The following CDH16 variants were observed in gnomAD, a reference collection of about 807,000 sequenced individuals.
CDH16 encodes cadherin-16.
Under a neutral mutation model 87.6 loss-of-function variants are expected in CDH16, and 79 were observed. That is an observed-to-expected ratio of 0.90 (90% CI 0.75 to 1.09). The LOEUF is 1.09. Among genes scored for constraint, CDH16 ranks in the 50% least tolerant of loss-of-function variants. The pLI, the probability that CDH16 is intolerant of heterozygous loss-of-function variation, is 0.00. For missense variants in CDH16, 1,124 were observed against 1,071.7 expected (o/e 1.05, Z -0.68); for synonymous variants, 457 against 439.5 (o/e 1.04, Z -0.50).
chr16:66,911,066 C>G, intron 14 of CDH16, 116 bp downstream of exon 14: 1 of 1,016,728 alleles, frequency 9.8e-7, no homozygotes, highest in Non-Finnish European at 1.4e-6. Flanking sequence ...ATCTGCCTCT[C>G]CTGCTTGGGG....
At position 66,912,500 on chromosome 16, in the gene CDH16, T is replaced by C; in HGVS notation, c.1359+4A>G. ...CCAAGGCCTTCTCCCCTGCGTCTGC[T>C]TACCTGGGAAGTGATGAACTCAGGG... is the stretch of plus-strand genomic sequence containing the variant. On this transcript the variant is annotated splice_donor_region_variant and intron_variant, in intron 11 of 17. Coordinates refer to ENST00000299752, the MANE Select transcript of CDH16 (RefSeq NM_004062.4). 6.2e-7 allele frequency: 1 copy of C among 1,614,126 alleles called. No individual in the cohort carries two copies.
At position 66,912,069 on chromosome 16, in the gene CDH16, C is replaced by T. The variant is rs1322621563; in HGVS notation, c.1620G>A (p.Gly540=). Residue 540 remains glycine (G), a synonymous_variant, in exon 13 of 18, where the codon GGG becomes GGA. Coordinates refer to ENST00000299752, the MANE Select transcript of CDH16 (RefSeq NM_004062.4). ...VVVQSVAKLV[G]PGPGPGATAT... is the part of the protein sequence containing the mutation. ...CGGTGGCTCCAGGGCCTGGGCCTGG[C>T]CCCACCAGCTTCGCCACACTCTGCA... 3 of 1,613,934 alleles carry T rather than the reference C, an allele frequency of 1.9e-6. No individual in the cohort carries two copies. The highest frequency in any genetic ancestry group is 1.3e-5 in the African/African-American group (1 of 74,930).
intron 14 of CDH16, 193 bp from the exon 15 acceptor site, chr16:66,910,695 T>A (rs1330958327): frequency 1.5e-5 from 9 of 583,092 alleles, no homozygotes. Context: ...AGCTCACTGC[T>A]GCTGGGTCTG....
Position 66,910,023 on chromosome 16 carries a change from G to A in CDH16, c.2238C>T (p.Val746=), listed in dbSNP as rs746846967. Residue 746 remains valine (V), a synonymous_variant, in exon 16 of 18, where the codon GTC becomes GTT. Transcript: ENST00000299752. ...GCTGCCACATCTGGGCATTGTGGCT[G>A]ACCACCACGGGGATTATGTGTTCAC... The part of the protein sequence containing the change: ...EPREHIIPVV[V]SHNAQMWQLL... The A allele has an allele frequency of 1.2e-6, 2 of 1,612,162 alleles. No individual in the cohort carries two copies. The highest frequency in any genetic ancestry group is 8.5e-7 in the Non-Finnish European group (1 of 1,178,790).
In CDH16 at chr16:66,916,332, C is replaced by T; in HGVS notation, c.227G>A (p.Gly76Asp). 1.2e-6 allele frequency: 2 copies of T among 1,614,148 alleles called. No homozygotes were observed. The highest frequency in any genetic ancestry group is 1.7e-6 in the Non-Finnish European group (2 of 1,179,976). The change falls in exon 4 of 18, where the codon GGC (glycine) becomes GAC (aspartate). Residue 76 changes from glycine (G) to aspartate (D), a missense_variant. By Grantham distance (94) the Gly-to-Asp change is moderately conservative. Transcript: ENST00000299752. The surrounding 1 kb of genome is among the most constrained non-coding windows in gnomAD (Gnocchi z 4.1). ...CAGGGCCCTGGTCACCAGCAGGAAG[C>T]CAGAATCTGGATCCATAGCAAATGG... ...EGPFAMDPDS[G>D]FLLVTRALDR...
chr16:66,911,818 G>C (rs1023051242), intron 13 of CDH16, 81 bp downstream of exon 13: 4 of 1,462,558 alleles, frequency 2.7e-6, no homozygotes, highest in Non-Finnish European at 3.7e-6. Context: ...CAGATAATGT[G>C]AGTCCCCTCT....
In CDH16 at chr16:66,912,320, A is replaced by T. The variant is rs962665796; in HGVS notation, c.1470T>A (p.Ile490=). The change falls in exon 12 of 18, where the codon ATT becomes ATA. Residue 490 remains isoleucine (I), a synonymous_variant. Coordinates refer to ENST00000299752, the MANE Select transcript of CDH16 (RefSeq NM_004062.4). The part of the protein sequence containing the change: ...EPAFRLMDFA[I]ERGDTEGTFG... The stretch of plus-strand genomic sequence containing the variant: ...AAGTCCCTTCTGTGTCTCCCCTCTC[A>T]ATGGCAAAATCCATGAGGCGGAAGG... 6.2e-7 allele frequency: 1 copy of T among 1,614,054 alleles called. No homozygotes were observed.
chr16:66,915,208 G>GC lies in CDH16; in HGVS notation c.583+11dup, dbSNP rs757829425. ...TGACCCTCCCTCCCCAGCACACCCCGCTCGGGCTTACCCTTGGGGCTGAGG... is the reference window on the plus strand; with the variant it reads ...TGACCCTCCCTCCCCAGCACACCCCGCCTCGGGCTTACCCTTGGGGCTGAGG... On this transcript the variant is annotated intron_variant, in intron 6 of 17. Coordinates refer to ENST00000299752, the MANE Select transcript of CDH16 (RefSeq NM_004062.4). The GC allele has an allele frequency of 5.6e-6, 9 of 1,597,774 alleles. 1 individual carries two copies. In the South Asian group the frequency reaches 7.8e-5, roughly 14 times the overall value.
chr16:66,917,886 A>G (rs1962757182), intron 2 of CDH16, 135 bp downstream of exon 2: 1 of 988,586 alleles, frequency 1.0e-6, no homozygotes, highest in Non-Finnish European at 1.5e-6. Flanking sequence ...CAGTGGCTCT[A>G]TAGTCCCAGC....
Position 66,910,023 on chromosome 16 carries a change from G to T in CDH16, c.2238C>A (p.Val746=). 6.2e-7 allele frequency: 1 copy of T among 1,612,162 alleles called. No homozygotes were observed. The highest frequency in any genetic ancestry group is 1.1e-5 in the South Asian group (1 of 90,814). Residue 746 remains valine (V), a synonymous_variant, in exon 16 of 18, where the codon GTC becomes GTA. Coordinates refer to ENST00000299752, the MANE Select transcript of CDH16 (RefSeq NM_004062.4). ...GCTGCCACATCTGGGCATTGTGGCTGACCACCACGGGGATTATGTGTTCAC... is the reference window on the plus strand; with the variant it reads ...GCTGCCACATCTGGGCATTGTGGCTTACCACCACGGGGATTATGTGTTCAC... The part of the protein sequence containing the change: ...EPREHIIPVV[V]SHNAQMWQLL...
intron 6 of CDH16, 34 bp downstream of exon 6, chr16:66,915,186 C>A: frequency 6.4e-7 from 1 of 1,559,846 alleles, no homozygotes; most frequent in Non-Finnish European, 8.7e-7. Flanking sequence ...CTTTCTCTGA[C>A]CCTCCCTCCC....
Position 66,913,245 on chromosome 16 carries a change from C to T in CDH16, c.940G>A (p.Glu314Lys), listed in dbSNP as rs558954232. The change falls in exon 9 of 18, where the codon GAG becomes AAG. Residue 314 changes from glutamate to lysine, a missense_variant. Transcript: ENST00000299752. ...LQVRAQNSHG[E>K]DYAAPLELHV... ...AGCTCCAGAGGGGCCGCATAGTCCT[C>T]GCCATGGGAATTCTGAGCCCGCACC... 2.6e-6 allele frequency: 4 copies of T among 1,566,728 alleles called. No homozygotes were observed. Among genetic ancestry groups the T allele is most frequent in the East Asian group, 4.5e-5 (2 of 44,398 alleles).
chr16:66,917,734 G>T lies in CDH16; in HGVS notation c.46-9C>A, dbSNP rs1406254174. On this transcript the variant is annotated splice_polypyrimidine_tract_variant and intron_variant, in intron 2 of 17. Transcript: ENST00000299752. ...TGGGCCTTGGGGAGAGCCTGTGGGA[G>T]GATTCTCACCTTGTCACCAGGCTCT... The T allele has an allele frequency of 1.2e-6, 2 of 1,604,776 alleles. No individual in the cohort carries two copies. The highest frequency in any genetic ancestry group is 2.7e-5 in the African/African-American group (2 of 74,926).
chr16:66,912,229 C>T lies in CDH16; in HGVS notation c.1548+13G>A, dbSNP rs1567532520. The T allele has an allele frequency of 6.2e-7, 1 of 1,602,610 alleles. No homozygotes were observed. The highest frequency in any genetic ancestry group is 8.5e-7 in the Non-Finnish European group (1 of 1,172,506). ...CATGTGTGGGCCCCTTTCCCAGCTA[C>T]CCAGGCCCTCACCTTGCAGAGTCTG... On this transcript the variant is annotated intron_variant, in intron 12 of 17. Transcript: ENST00000299752.
chr16:66,916,231 G>T lies in CDH16; in HGVS notation c.286-28C>A. On this transcript the variant is annotated intron_variant, in intron 4 of 17. Transcript: ENST00000299752. The surrounding 1 kb of genome is among the most constrained non-coding windows in gnomAD (Gnocchi z 4.1). ...GGCAGGGAAGGGGAGTCAGCGTCTG[G>T]CTCTGCCTTGCCTGCTCTCCCCTAC... The T allele has an allele frequency of 6.2e-7, 1 of 1,614,194 alleles. No homozygotes were observed. Among genetic ancestry groups the T allele is most frequent in the Non-Finnish European group, 8.5e-7 (1 of 1,180,012 alleles).
intron 6 of CDH16, 141 bp downstream of exon 6, chr16:66,915,079 C>G (rs1433177738): frequency 2.6e-6 from 2 of 780,066 alleles, no homozygotes; most frequent in Non-Finnish European, 2.1e-6. Context: ...AGCCCCCTGC[C>G]TTGTTGCTGT....
In CDH16 at chr16:66,916,201, G is replaced by A; in HGVS notation, c.288C>T (p.Val96=). ...CATGTCCATCCTGCATCTCCAGGGTGACCTGGCAGGGAAGGGGAGTCAGCG... is the reference window on the plus strand; with the variant it reads ...CATGTCCATCCTGCATCTCCAGGGTAACCTGGCAGGGAAGGGGAGTCAGCG... ...REEQAEYQLQ[V]TLEMQDGHVL... Residue 96 remains valine, a splice_region_variant and synonymous_variant, in exon 5 of 18, where the codon GTC becomes GTT. Coordinates refer to ENST00000299752, the MANE Select transcript of CDH16 (RefSeq NM_004062.4). The surrounding 1 kb of genome is among the most constrained non-coding windows in gnomAD (Gnocchi z 4.1). 6.2e-7 allele frequency: 1 copy of A among 1,614,238 alleles called. No individual in the cohort carries two copies.
intron 5 of CDH16, among the ~76,000 whole-genome samples, chr16:66,915,730 T>C (rs1567536073): frequency 1.3e-5 from 2 of 152,024 alleles, no homozygotes; most frequent in Admixed American, 6.5e-5. Context: ...CCGTCTCTTT[T>C]AAAAATACAA....
At chr16:66,911,351 A>G in intron 13 of CDH16, 36 bp from the exon 14 acceptor site, 1 of 1,607,360 alleles carries the variant, frequency 6.2e-7, no homozygotes, top group Non-Finnish European at 8.5e-7. Flanking sequence ...AGGTACTGGG[A>G]CTACATATAG....
Sources: gnomAD v4.1 joint callset for allele counts (sites outside exome capture counted in the v4.1 genomes callset) on GRCh38, gnomAD v4.1.1 for gene constraint, Gnocchi (gnomAD v3.1) non-coding constraint, MANE v1.5 for transcripts, NCBI Gene and HGNC (gene_info 2026-07-23, HGNC 2026-07-21) for gene names.